Variants in ATP9B observed in about 807,000 individuals in gnomAD.
ATP9B encodes the protein ATPase phospholipid transporting 9B, also known as probable phospholipid-transporting ATPase IIB.
In ATP9B, 110 loss-of-function variants were observed where a neutral mutation model predicts 146.1. The ratio of observed to expected loss-of-function variants is 0.75; its 90% CI spans 0.65 to 0.88. ATP9B has a LOEUF of 0.88. Among genes scored for constraint, ATP9B ranks in the 40% least tolerant of loss-of-function variants. The pLI is 0.00. For synonymous variants in ATP9B, 604 were observed against 569.7 expected, an observed-to-expected ratio of 1.06 and a Z score of -0.86; for missense variants, 1,499 against 1,496.4, an observed-to-expected ratio of 1.00 and a Z score of -0.03.
intron 12 of ATP9B, among the ~76,000 whole-genome samples, chr18:79,255,921 T>C (rs60112357): frequency 0.023 from 3,454 of 152,270 alleles, 120 homozygotes; most frequent in African/African-American, 0.071. Context: ...TCATTTTTAT[T>C]AGAGCTTCAT....
intron 11 of ATP9B, among the ~76,000 whole-genome samples, chr18:79,251,365 C>T (rs191685094): frequency 1.3e-5 from 2 of 152,176 alleles, no homozygotes; most frequent in African/African-American, 4.8e-5. Context: ...TGCTGACTGT[C>T]GGCCACAGGA....
At chr18:79,287,980 G>C (rs1435774131) in intron 13 of ATP9B, among the ~76,000 whole-genome samples, 1 of 151,440 alleles carries the variant, frequency 6.6e-6, no homozygotes, top group African/African-American at 2.4e-5. Context: ...TGGTCTGAGA[G>C]ACAGTTTGTT....
intron 7 of ATP9B, chr18:79,173,701 G>T: frequency 2.2e-6 from 1 of 455,958 alleles, no homozygotes; most frequent in South Asian, 1.5e-5. Context: ...TCCTTCTTCA[G>T]TATCAAACAA....
chr18:79,201,579 T>C (rs2095488470), intron 9 of ATP9B, among the ~76,000 whole-genome samples: 2 of 152,050 alleles, frequency 1.3e-5, no homozygotes, highest in South Asian at 4.2e-4. Context: ...AATTTACTTC[T>C]TTATTTTTTG....
chr18:79,270,048 G>A (rs1872033), intron 12 of ATP9B, among the ~76,000 whole-genome samples: 1 of 152,038 alleles, frequency 6.6e-6, no homozygotes, highest in Non-Finnish European at 1.5e-5. Flanking sequence ...ATCACTGCCC[G>A]CTTGGTTCTG....
At chr18:79,182,151 C>G (rs2095258712) in intron 8 of ATP9B, among the ~76,000 whole-genome samples, 1 of 152,176 alleles carries the variant, frequency 6.6e-6, no homozygotes. Flanking sequence ...AATCCTGTTG[C>G]TAGAGCATGA....
intron 7 of ATP9B, among the ~76,000 whole-genome samples, chr18:79,171,974 C>T (rs912492502): frequency 6.6e-6 from 1 of 151,986 alleles, no homozygotes; most frequent in Non-Finnish European, 1.5e-5. Context: ...CTGCAATTTC[C>T]GCCTCCTGGG....
chr18:79,291,450 T>G (rs945029415), intron 13 of ATP9B, among the ~76,000 whole-genome samples: 5 of 152,228 alleles, frequency 3.3e-5, no homozygotes, highest in Non-Finnish European at 7.3e-5. Context: ...CTCTACATTA[T>G]CTACTACTGC....
chr18:79,365,815 G>C (rs558370597), intron 26 of ATP9B, among the ~76,000 whole-genome samples: 2 of 149,826 alleles, frequency 1.3e-5, no homozygotes, highest in African/African-American at 4.9e-5. Context: ...GGGACAGCCC[G>C]TGTGTGATGG....
At chr18:79,238,927 C>G (rs2095866217) in intron 11 of ATP9B, among the ~76,000 whole-genome samples, 2 of 152,216 alleles carry the variant, frequency 1.3e-5, no homozygotes, top group Admixed American at 6.5e-5. Flanking sequence ...CAGAAAGAAC[C>G]AAGTCAGGTC....
At chr18:79,218,749 G>A (rs2095651799) in intron 11 of ATP9B, among the ~76,000 whole-genome samples, 1 of 152,228 alleles carries the variant, frequency 6.6e-6, no homozygotes, top group Non-Finnish European at 1.5e-5. Context: ...TACTGATGTG[G>A]CCAATTACAT....
chr18:79,354,613 G>GC (rs1390197670), intron 25 of ATP9B: 3 of 125,262 alleles, frequency 2.4e-5, no homozygotes, highest in Non-Finnish European at 5.1e-5. Context: ...CCCACTTCCG[G>GC]CCCAGCTCCA....
intron 4 of ATP9B, among the ~76,000 whole-genome samples, chr18:79,119,668 C>T (rs1267967610): frequency 1.3e-5 from 2 of 152,122 alleles, no homozygotes; most frequent in African/African-American, 4.8e-5. Flanking sequence ...CTCTTGTGTC[C>T]TGAGTATCAT....
At chr18:79,320,035 C>T (rs1214666417) in intron 15 of ATP9B, among the ~76,000 whole-genome samples, 2 of 152,174 alleles carry the variant, frequency 1.3e-5, no homozygotes, top group Non-Finnish European at 2.9e-5. Context: ...CTGTCCAGGC[C>T]CTGGAGAGTC....
chr18:79,228,908 A>G (rs923715809), intron 11 of ATP9B, among the ~76,000 whole-genome samples: 4 of 152,106 alleles, frequency 2.6e-5, no homozygotes, highest in African/African-American at 9.7e-5. Context: ...CACCTGTGGT[A>G]CAAACTACCT....
At chr18:79,359,133 C>T (rs950424122) in intron 25 of ATP9B, among the ~76,000 whole-genome samples, 1 of 152,116 alleles carries the variant, frequency 6.6e-6, no homozygotes, top group African/African-American at 2.4e-5. Flanking sequence ...AAAAATCATT[C>T]TTCTACCCGT....
Position 79,327,474 on chromosome 18 carries a change from G to A in ATP9B, c.1774-1667G>A, listed in dbSNP as rs181498313. On this transcript the variant is annotated intron_variant, in intron 15 of 29. Coordinates refer to ENST00000426216, the MANE Select transcript of ATP9B (RefSeq NM_198531.5). ...GCTCCCCATGGTTAGCGTGTTCTCCGTGGTTAGCGTGCTCTCCGTGGTTAG... is the reference window on the plus strand; with the variant it reads ...GCTCCCCATGGTTAGCGTGTTCTCCATGGTTAGCGTGCTCTCCGTGGTTAG... Among the ~76,000 whole-genome samples, 229 of 150,630 alleles carry A rather than the reference G, an allele frequency of 1.5e-3. 1 individual carries two copies. The highest frequency in any genetic ancestry group is 4.9e-3 in the African/African-American group (200 of 40,846).
At chr18:79,297,727 A>G (rs535586078) in intron 13 of ATP9B, among the ~76,000 whole-genome samples, 1 of 152,230 alleles carries the variant, frequency 6.6e-6, no homozygotes, top group Non-Finnish European at 1.5e-5. Flanking sequence ...GTTTAAGGAG[A>G]TAAAACAGCT....
chr18:79,343,611 T>G (rs2147427552), intron 20 of ATP9B: 1 of 152,444 alleles, frequency 6.6e-6, no homozygotes, highest in African/African-American at 2.4e-5. Flanking sequence ...TTGCATTATT[T>G]GACCTATTAT....
Sources: allele counts gnomAD v4.1 joint callset (sites outside exome capture counted in the v4.1 genomes callset), GRCh38; gene constraint gnomAD v4.1.1; transcripts MANE v1.5; gene names NCBI Gene and HGNC (gene_info 2026-07-23, HGNC 2026-07-21).